Variants in C6 observed in about 807,000 individuals in gnomAD.
The protein encoded by C6 is complement C6, also known as complement component C6.
A neutral mutation model predicts 112.9 loss-of-function variants in C6; 101 were observed. That is an observed-to-expected ratio of 0.89 (90% CI 0.76 to 1.06). The LOEUF (loss-of-function observed/expected upper bound fraction) is 1.06, where lower values mean the gene tolerates loss of function less well. Among genes scored for constraint, C6 ranks in the 50% least tolerant of loss-of-function variants. The pLI is 0.00. For missense variants in C6, 1,202 were observed against 1,104.6 expected (o/e 1.09, Z -1.25); for synonymous variants, 431 against 384.1 (o/e 1.12, Z -1.43).
chr5:41,207,101 C>G (rs191358364), intron 1 of C6, among the ~76,000 whole-genome samples: 1 of 152,088 alleles, frequency 6.6e-6, no homozygotes, highest in Non-Finnish European at 1.5e-5. Context: ...AATTTTCAAC[C>G]CAGAATTTCG....
intron 1 of C6, among the ~76,000 whole-genome samples, chr5:41,259,344 G>T (rs1425547386): frequency 6.6e-6 from 1 of 152,036 alleles, no homozygotes; most frequent in Admixed American, 6.6e-5. Flanking sequence ...TGCATTCCTT[G>T]GTGAATGTAT....
chr5:41,238,519 A>G (rs1561198733), intron 1 of C6, among the ~76,000 whole-genome samples: 1 of 152,218 alleles, frequency 6.6e-6, no homozygotes, highest in Admixed American at 6.5e-5. Flanking sequence ...TATTCACACC[A>G]GAAGCGAAAG....
At chr5:41,146,888 T>A (rs56165209) in intron 17 of C6, among the ~76,000 whole-genome samples, 7 of 151,504 alleles carry the variant, frequency 4.6e-5, no homozygotes, top group Non-Finnish European at 4.4e-5. Flanking sequence ...TGAAAAAAAA[T>A]TTGTGGGAAG....
At chr5:41,219,371 T>C (rs1739026453) in intron 1 of C6, among the ~76,000 whole-genome samples, 1 of 152,096 alleles carries the variant, frequency 6.6e-6, no homozygotes, top group African/African-American at 2.4e-5. Flanking sequence ...GGCCATTCTG[T>C]GGTCAGATAA....
rs543153383 is a variant in C6, at chr5:41,163,390, G to A, written c.1292-1531C>T. Reference sequence around the variant, plus strand: ...TGCATTGGTGCGATCTTAGCTCACTGCAGCCTCTGCCTCCTGGGTTCAAGT... The same window carrying A: ...TGCATTGGTGCGATCTTAGCTCACTACAGCCTCTGCCTCCTGGGTTCAAGT... On this transcript the variant is annotated intron_variant, in intron 9 of 17. Transcript: ENST00000337836. 2.0e-5 allele frequency among the ~76,000 whole-genome samples: 3 copies of A among 148,456 alleles called. No individual in the cohort carries two copies. The South Asian group carries it at 6.4e-4, about 31-fold the overall frequency.
At chr5:41,208,827 T>C (rs897550573) in intron 1 of C6, among the ~76,000 whole-genome samples, 4 of 152,060 alleles carry the variant, frequency 2.6e-5, no homozygotes, top group Non-Finnish European at 5.9e-5. Flanking sequence ...TCTGAAACTA[T>C]TCCAATCAAT....
chr5:41,234,338 G>GTTTT (rs544459678), intron 1 of C6, among the ~76,000 whole-genome samples: 8 of 127,774 alleles, frequency 6.3e-5, no homozygotes, highest in African/African-American at 2.3e-4. Flanking sequence ...CTACCCTTTC[G>GTTTT]TTTTTTTTTT....
intron 7 of C6, among the ~76,000 whole-genome samples, chr5:41,179,199 T>C (rs1749114535): frequency 6.6e-6 from 1 of 152,218 alleles, no homozygotes; most frequent in African/African-American, 2.4e-5. Flanking sequence ...AACAGTAGTT[T>C]AATATGTTCC....
intron 1 of C6, among the ~76,000 whole-genome samples, chr5:41,239,827 T>C (rs1740585582): frequency 6.6e-6 from 1 of 152,180 alleles, no homozygotes; most frequent in Admixed American, 6.5e-5. Flanking sequence ...TTTTTGCTTG[T>C]CTAGGAAAGG....
intron 1 of C6, among the ~76,000 whole-genome samples, chr5:41,256,552 G>A (rs776697302): frequency 2.7e-4 from 41 of 151,582 alleles, no homozygotes; most frequent in African/African-American, 9.5e-4. Flanking sequence ...GAAATCAGAG[G>A]GCCCCACTGC....
intron 1 of C6, among the ~76,000 whole-genome samples, chr5:41,232,297 C>T (rs1312780031): frequency 6.6e-6 from 1 of 152,064 alleles, no homozygotes; most frequent in East Asian, 1.9e-4. Flanking sequence ...CTGTTTCCTA[C>T]TACACTACTC....
intron 5 of C6, among the ~76,000 whole-genome samples, chr5:41,187,708 ACACAC>A (rs1382350891): frequency 2.0e-5 from 3 of 151,456 alleles, no homozygotes; most frequent in Non-Finnish European, 2.9e-5. Context: ...ATACACACAC[ACACAC>A]ACACACACAC....
chr5:41,209,310 C>T (rs1031435182), intron 1 of C6, among the ~76,000 whole-genome samples: 1 of 152,168 alleles, frequency 6.6e-6, no homozygotes, highest in Non-Finnish European at 1.5e-5. Context: ...AAAACTGGCA[C>T]AAGACAAGGA....
At chr5:41,244,636 C>T (rs1028465290) in intron 1 of C6, among the ~76,000 whole-genome samples, 2 of 152,176 alleles carry the variant, frequency 1.3e-5, no homozygotes, top group East Asian at 3.9e-4. Flanking sequence ...AACTGTCAAC[C>T]ACTGTCCCCC....
chr5:41,200,900 T>G (rs967513860), intron 3 of C6, among the ~76,000 whole-genome samples: 9 of 143,322 alleles, frequency 6.3e-5, no homozygotes, highest in African/African-American at 1.3e-4. Context: ...TGTTTTTTTT[T>G]TTTTTTTTTT....
chr5:41,176,171 C>G (rs747937448), intron 8 of C6, among the ~76,000 whole-genome samples: 1 of 152,172 alleles, frequency 6.6e-6, no homozygotes, highest in Non-Finnish European at 1.5e-5. Context: ...ATGCATCTTC[C>G]TCTTTGGGTA....
Position 41,199,635 on chromosome 5 carries a change from C to T in C6, c.445+133G>A, listed in dbSNP as rs1053178645. On this transcript the variant is annotated intron_variant, in intron 4 of 17. Transcript: ENST00000337836. ...AATATCTTGGGAATTGGCAGCATAACATTCCCATTCCACTCTGCTTAAAAT... is the reference window on the plus strand; with the variant it reads ...AATATCTTGGGAATTGGCAGCATAATATTCCCATTCCACTCTGCTTAAAAT... The T allele has an allele frequency of 4.8e-4, 439 of 913,268 alleles. 2 individuals are homozygous for T. Among genetic ancestry groups the T allele is most frequent in the Non-Finnish European group, 1.0e-4 (56 of 550,972 alleles). The allele number at this position is 913,268 out of a possible 1,614,324, so 56.6% of individuals were successfully genotyped here. A position where few individuals can be genotyped will look rare whatever the true frequency, so the allele number is the denominator to read the frequency against.
chr5:41,210,463 A>G (rs1043963876), intron 1 of C6, among the ~76,000 whole-genome samples: 1 of 152,170 alleles, frequency 6.6e-6, no homozygotes, highest in Admixed American at 6.5e-5. Context: ...TTTGCAATCT[A>G]CCCATCCGAC....
chr5:41,256,068 T>C (rs1258853938), intron 1 of C6, among the ~76,000 whole-genome samples: 4 of 152,312 alleles, frequency 2.6e-5, no homozygotes, highest in Admixed American at 6.5e-5. Context: ...GATAGTTTAC[T>C]GAGAATGATG....
Sources: gnomAD v4.1 joint callset for allele counts (sites outside exome capture counted in the v4.1 genomes callset) on GRCh38, gnomAD v4.1.1 for gene constraint, MANE v1.5 for transcripts, NCBI Gene and HGNC (gene_info 2026-07-23, HGNC 2026-07-21) for gene names.